CRYBB2: variants seen among roughly 807,000 people sequenced by gnomAD.
CRYBB2 encodes the protein crystallin beta B2.
Under a neutral mutation model 24.3 loss-of-function variants are expected in CRYBB2, and 12 were observed. The observed-to-expected ratio is 0.49, with a 90% confidence interval of 0.32 to 0.80. CRYBB2 has a LOEUF of 0.80. Ranked by LOEUF, CRYBB2 falls within the 30% of genes least tolerant of loss-of-function variation. The pLI is 0.04. For missense variants in CRYBB2, 198 were observed against 268.5 expected, an observed-to-expected ratio of 0.74 and a Z score of 1.83; for synonymous variants, 98 against 101.6, an observed-to-expected ratio of 0.96 and a Z score of 0.21.
chr22:25,219,455 A>T (rs574972779), upstream of CRYBB2: 5 of 152,382 alleles, frequency 3.3e-5, no homozygotes, highest in African/African-American at 1.2e-4. Context: ...GCGCGGCCGA[A>T]TCTGAAAGCT....
At chr22:25,226,806 T>C (rs1935426074) in intron 3 of CRYBB2, among the ~76,000 whole-genome samples, 1 of 152,188 alleles carries the variant, frequency 6.6e-6, no homozygotes, top group Non-Finnish European at 1.5e-5. Flanking sequence ...ACTGAGTAGC[T>C]GGGATTACAA....
At chr22:25,218,758 AG>A (rs1935240766), upstream of CRYBB2, among the ~76,000 whole-genome samples, 1 of 42,108 alleles carries the variant, frequency 2.4e-5, no homozygotes, top group African/African-American at 1.4e-4. Flanking sequence ...AGAGAGAGAG[AG>A]AGAGAGAGAG....
chr22:25,217,093 A>G (rs1935180193), upstream of CRYBB2, among the ~76,000 whole-genome samples: 1 of 151,934 alleles, frequency 6.6e-6, no homozygotes, highest in Non-Finnish European at 1.5e-5. Flanking sequence ...GGGTGTGTAA[A>G]TATCTCTTCA....
intron 2 of CRYBB2, among the ~76,000 whole-genome samples, chr22:25,224,296 G>A (rs1479591223): frequency 2.0e-5 from 3 of 152,134 alleles, no homozygotes; most frequent in Non-Finnish European, 4.4e-5. Flanking sequence ...TTAGGTTTGA[G>A]TGTTAGAATT....
In CRYBB2 at chr22:25,212,842, T is replaced by G. The variant is rs894399974; in HGVS notation, c.-27+2T>G. 1.4e-4 allele frequency: 22 copies of G among 152,160 alleles called. No homozygotes were observed. The highest frequency in any genetic ancestry group is 3.2e-4 in the Non-Finnish European group (22 of 68,034). 9.4% of individuals were successfully genotyped at this position (152,160 alleles called of 1,614,324 possible). On this transcript the variant is annotated splice_donor_variant, in intron 1 of 5. Coordinates refer to the CRYBB2 transcript ENST00000651629. LOFTEE classifies it low-confidence loss of function (5UTR_SPLICE). Reference sequence around the variant, plus strand: ...AATTCCCCAGCTCCCAGTGCTCAGGTGAGAACTTTACCAAGCATTCTTTAC... The same window carrying G: ...AATTCCCCAGCTCCCAGTGCTCAGGGGAGAACTTTACCAAGCATTCTTTAC...
At chr22:25,231,504 G>A in intron 5 of CRYBB2, 100 bp from the exon 6 acceptor site, 4 of 1,178,114 alleles carry the variant, frequency 3.4e-6, no homozygotes, top group Non-Finnish European at 5.1e-6. Context: ...ACCCTTCCTA[G>A]TGGCTTATGG....
intron 1 of CRYBB2, chr22:25,213,724 A>G (rs959552568): frequency 1.3e-5 from 2 of 152,152 alleles, no homozygotes; most frequent in African/African-American, 4.8e-5. Context: ...GCTCACTAAT[A>G]TACCCTGAAT....
intron 2 of CRYBB2, 22 bp from the exon 3 acceptor site, chr22:25,224,896 T>C: frequency 1.6e-6 from 2 of 1,287,760 alleles, no homozygotes; most frequent in Non-Finnish European, 2.3e-6. Flanking sequence ...GATGAGGGTC[T>C]GAGTCTCGCT....
upstream of CRYBB2, among the ~76,000 whole-genome samples, chr22:25,217,142 G>C (rs1202008892): frequency 6.6e-6 from 1 of 151,278 alleles, no homozygotes; most frequent in Non-Finnish European, 1.5e-5. Context: ...GTGCACAGAA[G>C]TGGAATGGCT....
At chr22:25,228,122 G>A (rs1330973820) in intron 4 of CRYBB2, 137 bp downstream of exon 4, 19 of 1,349,442 alleles carry the variant, frequency 1.4e-5, no homozygotes. Context: ...GATTGGTGAG[G>A]AACCTCCTCA....
upstream of CRYBB2, among the ~76,000 whole-genome samples, chr22:25,218,129 GGCGCCTGTAGTCCCA>G (rs1035336223): frequency 6.6e-6 from 1 of 150,868 alleles, no homozygotes; most frequent in African/African-American, 2.5e-5. Flanking sequence ...CGTGTTGGCG[GGCGCCTGTAGTCCCA>G]GCTACTAGGG....
intron 2 of CRYBB2, among the ~76,000 whole-genome samples, chr22:25,223,796 G>T (rs999976004): frequency 3.3e-5 from 5 of 152,152 alleles, no homozygotes; most frequent in African/African-American, 1.2e-4. Flanking sequence ...GTTTGCTGGG[G>T]AAGTGTGGCT....
intron 2 of CRYBB2, among the ~76,000 whole-genome samples, chr22:25,223,224 G>T (rs1485605717): frequency 6.6e-6 from 1 of 152,162 alleles, no homozygotes; most frequent in Non-Finnish European, 1.5e-5. Context: ...GTGTGCACAG[G>T]TTAGAGTCTG....
chr22:25,229,421 A>G lies in CRYBB2; in HGVS notation c.307-15A>G, dbSNP rs1206660219. On this transcript the variant is annotated splice_polypyrimidine_tract_variant and intron_variant, in intron 4 of 5. Coordinates refer to ENST00000398215, the MANE Select transcript of CRYBB2 (RefSeq NM_000496.3). ...CCCTCACCCATACTCACTTCCCCCC[A>G]TCCTCTGCCAATAGGACAGCCAAGA... 9 of 1,599,746 alleles carry G rather than the reference A, an allele frequency of 5.6e-6. No individual in the cohort carries two copies. Among genetic ancestry groups the G allele is most frequent in the Admixed American group, 1.7e-5 (1 of 57,524 alleles).
At chr22:25,218,779 G>GAGAGAGAGAGAAAGAAAGAAAGAAA (rs1935251085), upstream of CRYBB2, among the ~76,000 whole-genome samples, 7 of 34,530 alleles carry the variant, frequency 2.0e-4, no homozygotes, top group East Asian at 1.0e-3. Context: ...GAGAGAGAGA[G>GAGAGAGAGAGAAAGAAAGAAAGAAA]AAGAAAGAAA....
At chr22:25,223,216 G>A (rs1034569445) in intron 2 of CRYBB2, among the ~76,000 whole-genome samples, 6 of 152,180 alleles carry the variant, frequency 3.9e-5, no homozygotes, top group Non-Finnish European at 7.3e-5. Flanking sequence ...CCAGTGTTGT[G>A]TGCACAGGTT....
In CRYBB2 at chr22:25,231,826, C is replaced by T. The variant is rs1397735685; in HGVS notation, c.*54C>T. 6.5e-7 allele frequency: 1 copy of T among 1,540,708 alleles called. No individual in the cohort carries two copies. The highest frequency in any genetic ancestry group is 9.0e-7 in the Non-Finnish European group (1 of 1,113,366). On this transcript the variant is annotated 3_prime_UTR_variant, in exon 6 of 6. Transcript: ENST00000398215. Reference sequence around the variant, plus strand: ...GACCCAGGTCTGCTGCCCAGGAACCCTCCAGACCTCCCAGAGAGTGAATAA... The same window carrying T: ...GACCCAGGTCTGCTGCCCAGGAACCTTCCAGACCTCCCAGAGAGTGAATAA...
At chr22:25,228,348 G>A (rs1305470971) in intron 4 of CRYBB2, among the ~76,000 whole-genome samples, 31 of 147,680 alleles carry the variant, frequency 2.1e-4, no homozygotes, top group African/African-American at 5.5e-4. Context: ...CCCGCCCCCC[G>A]CGCCCAAGGG....
chr22:25,215,834 T>G (rs535654557), upstream of CRYBB2, among the ~76,000 whole-genome samples: 1 of 152,348 alleles, frequency 6.6e-6, no homozygotes, highest in Non-Finnish European at 1.5e-5. Context: ...GGGACATTAA[T>G]AATACCTACT....
Sources: allele counts gnomAD v4.1 joint callset (sites outside exome capture counted in the v4.1 genomes callset), GRCh38; gene constraint gnomAD v4.1.1; transcripts MANE v1.5; gene names NCBI Gene and HGNC (gene_info 2026-07-23, HGNC 2026-07-21).